The following GRID2 variants were observed in gnomAD, a reference collection of about 807,000 sequenced individuals.
The protein encoded by GRID2 is glutamate ionotropic receptor delta type subunit 2, also known as glutamate receptor ionotropic, delta-2.
GRID2 carries 33 observed loss-of-function variants against 114.8 expected under a neutral mutation model. The ratio of observed to expected loss-of-function variants is 0.29; its 90% CI spans 0.22 to 0.38. GRID2 has a LOEUF of 0.38. GRID2 is among the 10% of genes least tolerant of loss of function. GRID2 has a pLI of 1.00. For missense variants in GRID2, 1,184 were observed against 1,257.7 expected, an observed-to-expected ratio of 0.94 and a Z score of 0.89; for synonymous variants, 505 against 449.9, an observed-to-expected ratio of 1.12 and a Z score of -1.55.
chr4:92,804,664 A>G (rs181641894), intron 2 of GRID2, among the ~76,000 whole-genome samples: 322 of 152,118 alleles, frequency 2.1e-3, no homozygotes, highest in Admixed American at 9.1e-3. Context: ...TCTAGATATA[A>G]ATGAGAATTG....
intron 13 of GRID2, among the ~76,000 whole-genome samples, chr4:93,565,637 A>C (rs996831890): frequency 2.6e-5 from 4 of 152,226 alleles, no homozygotes; most frequent in Non-Finnish European, 5.9e-5. Context: ...GAGTAAGCAA[A>C]TTATTCCATA....
chr4:92,755,438 A>G (rs796849619), intron 2 of GRID2, among the ~76,000 whole-genome samples: 7 of 152,280 alleles, frequency 4.6e-5, no homozygotes, highest in African/African-American at 1.7e-4. Flanking sequence ...AAAATAGATA[A>G]GCAGATAAAG....
At chr4:92,552,653 ACT>A (rs780294961) in intron 1 of GRID2, among the ~76,000 whole-genome samples, 4 of 152,102 alleles carry the variant, frequency 2.6e-5, no homozygotes, top group Non-Finnish European at 4.4e-5. Context: ...ACAGTAGATG[ACT>A]CTTAAGAATC....
At chr4:93,781,965 T>C (rs1439483263) in intron 1 of GRID2, among the ~76,000 whole-genome samples, 1 of 152,170 alleles carries the variant, frequency 6.6e-6, no homozygotes, top group Non-Finnish European at 1.5e-5. Context: ...AGGCCTATCA[T>C]AGCATTCAAA....
intron 9 of GRID2, among the ~76,000 whole-genome samples, chr4:93,406,922 C>T (rs1766504704): frequency 6.6e-6 from 1 of 152,122 alleles, no homozygotes; most frequent in Non-Finnish European, 1.5e-5. Flanking sequence ...AAAAACGTCA[C>T]AGAAAGTTTT....
intron 14 of GRID2, among the ~76,000 whole-genome samples, chr4:93,690,381 A>G (rs576807486): frequency 3.9e-5 from 6 of 152,134 alleles, no homozygotes; most frequent in Non-Finnish European, 7.4e-5. Flanking sequence ...AGGAGCATTC[A>G]TTATTTTTGT....
chr4:92,528,833 A>C (rs1725172410), intron 1 of GRID2, among the ~76,000 whole-genome samples: 1 of 151,810 alleles, frequency 6.6e-6, no homozygotes, highest in Non-Finnish European at 1.5e-5. Context: ...AAAAAAAAAA[A>C]AAAAAAAAGT....
chr4:92,713,564 G>A (rs1004513294), intron 2 of GRID2, among the ~76,000 whole-genome samples: 1 of 139,674 alleles, frequency 7.2e-6, no homozygotes, highest in Non-Finnish European at 1.5e-5. Context: ...GGATTAGTCT[G>A]TTTTCATGCT....
At chr4:92,493,714 C>T (rs1723257035) in intron 1 of GRID2, among the ~76,000 whole-genome samples, 1 of 152,182 alleles carries the variant, frequency 6.6e-6, no homozygotes, top group Non-Finnish European at 1.5e-5. Flanking sequence ...TGGCTAAACG[C>T]TCATATTTTT....
intron 2 of GRID2, among the ~76,000 whole-genome samples, chr4:92,600,052 A>G (rs1317419175): frequency 0.029 from 2,918 of 101,258 alleles, 36 homozygotes; most frequent in African/African-American, 0.069. Context: ...GTGTATATAT[A>G]TATATATATA....
chr4:93,269,253 C>T (rs1182612592), intron 8 of GRID2, among the ~76,000 whole-genome samples: 1 of 152,088 alleles, frequency 6.6e-6, no homozygotes, highest in East Asian at 1.9e-4. Context: ...GTCTGTTTCC[C>T]ACCCCAAATT....
chr4:92,487,015 C>A (rs2064628753), intron 1 of GRID2, among the ~76,000 whole-genome samples: 1 of 151,890 alleles, frequency 6.6e-6, no homozygotes, highest in African/African-American at 2.4e-5. Flanking sequence ...CTCCCTTAGC[C>A]TCTTAATGTC....
intron 14 of GRID2, among the ~76,000 whole-genome samples, chr4:93,632,266 G>T (rs1449559847): frequency 6.6e-6 from 1 of 152,188 alleles, no homozygotes; most frequent in Non-Finnish European, 1.5e-5. Flanking sequence ...ATTGCTTTTG[G>T]TGTTTTAGAT....
intron 14 of GRID2, among the ~76,000 whole-genome samples, chr4:93,699,481 C>T (rs1054813965): frequency 2.6e-5 from 4 of 152,114 alleles, no homozygotes; most frequent in African/African-American, 9.7e-5. Flanking sequence ...GCTGGATGTA[C>T]TTTCCTCAGA....
intron 13 of GRID2, among the ~76,000 whole-genome samples, chr4:93,546,196 AG>A: frequency 6.6e-6 from 1 of 152,208 alleles, no homozygotes. Flanking sequence ...GGAAAGAAAT[AG>A]GTTTGGAGGA....
At chr4:92,488,536 C>A (rs921707325) in intron 1 of GRID2, among the ~76,000 whole-genome samples, 1 of 152,122 alleles carries the variant, frequency 6.6e-6, no homozygotes, top group Non-Finnish European at 1.5e-5. Flanking sequence ...GAAGCAAAAT[C>A]TTTATGTTAC....
intron 14 of GRID2, among the ~76,000 whole-genome samples, chr4:93,658,263 T>A (rs1239524870): frequency 1.3e-5 from 2 of 152,092 alleles, no homozygotes; most frequent in Non-Finnish European, 2.9e-5. Context: ...CTGGGGTGAA[T>A]AAGAGGTTTC....
chr4:92,605,809 A>T (rs752448763), intron 2 of GRID2, among the ~76,000 whole-genome samples: 1 of 152,014 alleles, frequency 6.6e-6, no homozygotes, highest in Non-Finnish European at 1.5e-5. Flanking sequence ...CAACCATATT[A>T]CTTGTGAGTT....
intron 2 of GRID2, among the ~76,000 whole-genome samples, chr4:92,815,095 C>G (rs1282258882): frequency 6.6e-6 from 1 of 152,102 alleles, no homozygotes; most frequent in Non-Finnish European, 1.5e-5. Flanking sequence ...ATCAGAATTT[C>G]TTACAAGATA....
Sources: allele counts gnomAD v4.1 joint callset (sites outside exome capture counted in the v4.1 genomes callset), GRCh38; gene constraint gnomAD v4.1.1; transcripts MANE v1.5; gene names NCBI Gene and HGNC (gene_info 2026-07-23, HGNC 2026-07-21).